The following MYT1L variants were observed in gnomAD, a reference collection of about 807,000 sequenced individuals.
The protein encoded by MYT1L is myelin transcription factor 1-like protein.
MYT1L carries 12 observed loss-of-function variants against 126.7 expected under a neutral mutation model. The ratio of observed to expected loss-of-function variants is 0.09; its 90% CI spans 0.06 to 0.15. MYT1L has a LOEUF of 0.15. Ranked by LOEUF, MYT1L falls within the 10% of genes least tolerant of loss-of-function variation. The probability of loss-of-function intolerance (pLI) is 1.00; values close to 1 mark genes in which losing one functional copy is unlikely to be tolerated. For missense variants in MYT1L, 979 were observed against 1,585.2 expected (o/e 0.62, Z 6.49); for synonymous variants, 541 against 604.2 (o/e 0.90, Z 1.53).
At chr2:2,321,521 T>C (rs1176715319) in intron 1 of MYT1L, among the ~76,000 whole-genome samples, 2 of 152,168 alleles carry the variant, frequency 1.3e-5, no homozygotes. Flanking sequence ...AATGGTTTAT[T>C]GCTTTTAGGG....
At chr2:2,075,180 T>C (rs1021949104) in intron 3 of MYT1L, among the ~76,000 whole-genome samples, 4 of 152,200 alleles carry the variant, frequency 2.6e-5, no homozygotes, top group East Asian at 1.9e-4. Flanking sequence ...TCACAGGCCA[T>C]AGACTGTTTA....
At chr2:2,295,537 T>TAGAG (rs1168226393) in intron 1 of MYT1L, among the ~76,000 whole-genome samples, 2 of 32,510 alleles carry the variant, frequency 6.2e-5, no homozygotes, top group African/African-American at 2.0e-4. Context: ...CAGAGAAAGA[T>TAGAG]AGAGAGAGAG....
chr2:2,325,532 A>T (rs2149724842), intron 1 of MYT1L: 1 of 152,260 alleles, frequency 6.6e-6, no homozygotes, highest in East Asian at 1.9e-4. Context: ...GTTCATTAGC[A>T]TTTTTTTCTG....
At chr2:2,257,267 A>G (rs1350656771) in intron 2 of MYT1L, among the ~76,000 whole-genome samples, 1 of 152,174 alleles carries the variant, frequency 6.6e-6, no homozygotes, top group African/African-American at 2.4e-5. Context: ...CAGCCCCTGC[A>G]ATTTGCTATT....
Position 1,792,473 on chromosome 2 carries a change from C to T in MYT1L, c.3277-9G>A, listed in dbSNP as rs761926891. 6.8e-6 allele frequency: 11 copies of T among 1,611,646 alleles called. No individual in the cohort carries two copies. Among genetic ancestry groups the T allele is most frequent in the Non-Finnish European group, 8.5e-6 (10 of 1,178,300 alleles). ...CTCTCCATCGTGGTAATCTGAAACG[C>T]ACAAGTGTGCGTGACATGTAACACC... is the stretch of plus-strand genomic sequence containing the variant. On this transcript the variant is annotated splice_polypyrimidine_tract_variant and intron_variant, in intron 23 of 24. Transcript: ENST00000647738.
intron 21 of MYT1L, among the ~76,000 whole-genome samples, chr2:1,818,689 T>C (rs1393179470): frequency 1.3e-5 from 2 of 152,070 alleles, no homozygotes; most frequent in Non-Finnish European, 2.9e-5. Flanking sequence ...CCCCAGCATA[T>C]GTGAGGAAGG....
intron 8 of MYT1L, among the ~76,000 whole-genome samples, chr2:1,953,559 C>G (rs986380319): frequency 6.6e-6 from 1 of 152,210 alleles, no homozygotes; most frequent in Non-Finnish European, 1.5e-5. Context: ...AAGTGTCAAC[C>G]ACCTCGCGTT....
At chr2:2,120,758 C>T (rs2080875014) in intron 3 of MYT1L, among the ~76,000 whole-genome samples, 1 of 152,176 alleles carries the variant, frequency 6.6e-6, no homozygotes. Context: ...ATGCTCCCCA[C>T]TCCGCACTGT....
intron 4 of MYT1L, among the ~76,000 whole-genome samples, chr2:2,009,709 G>T (rs2063639143): frequency 6.6e-6 from 1 of 151,996 alleles, no homozygotes; most frequent in Admixed American, 6.6e-5. Flanking sequence ...TTCATTTCTT[G>T]TCTGACTGCT....
intron 2 of MYT1L, among the ~76,000 whole-genome samples, chr2:2,241,444 G>A (rs1346085270): frequency 6.6e-6 from 1 of 152,150 alleles, no homozygotes. Flanking sequence ...GCACTGCTCT[G>A]AGCTGCCTGT....
intron 2 of MYT1L, among the ~76,000 whole-genome samples, chr2:2,236,015 C>A (rs1444507964): frequency 1.3e-5 from 2 of 152,132 alleles, no homozygotes; most frequent in Non-Finnish European, 2.9e-5. Context: ...CCCAAAGGAG[C>A]CCAAGAATGA....
At chr2:1,965,865 T>G (rs961726414) in intron 8 of MYT1L, among the ~76,000 whole-genome samples, 8 of 152,224 alleles carry the variant, frequency 5.3e-5, no homozygotes, top group African/African-American at 1.9e-4. Context: ...AGGGAAAGGC[T>G]TTGCCTGGCA....
At chr2:1,927,280 T>A (rs1023615683) in intron 9 of MYT1L, among the ~76,000 whole-genome samples, 2 of 152,248 alleles carry the variant, frequency 1.3e-5, no homozygotes, top group Non-Finnish European at 2.9e-5. Flanking sequence ...ACCTGACTTC[T>A]GTTGCATTAC....
rs896117924 is a variant in MYT1L at position 1,966,937 on chromosome 2, AT to A, written c.152+12227del. On this transcript the variant is annotated intron_variant, in intron 8 of 24. Transcript: ENST00000647738. ...CATTGTGACTTTGAAACAATAGATT[AT>A]TTTTTTTCTCACTTTTTAGCTAGAT... Among the ~76,000 whole-genome samples, 7 of 152,172 alleles carry A rather than the reference AT, an allele frequency of 4.6e-5. No individual in the cohort carries two copies. The South Asian group carries it at 8.3e-4, about 18-fold the overall frequency.
intron 1 of MYT1L, chr2:2,306,128 G>C (rs557262700): frequency 6.6e-6 from 1 of 152,260 alleles, no homozygotes; most frequent in Admixed American, 6.5e-5. Context: ...TTTGTGCCCA[G>C]ACTCTTTTCC....
chr2:2,069,434 G>A (rs1206873645), intron 3 of MYT1L, among the ~76,000 whole-genome samples: 1 of 152,124 alleles, frequency 6.6e-6, no homozygotes, highest in Non-Finnish European at 1.5e-5. Context: ...AGTATTCATG[G>A]TGTATATGTG....
chr2:1,801,831 G>T lies in MYT1L; in HGVS notation c.3173-32C>A. 2 of 1,339,774 alleles carry T rather than the reference G, an allele frequency of 1.5e-6. No homozygotes were observed. Among genetic ancestry groups the T allele is most frequent in the Non-Finnish European group, 2.1e-6 (2 of 955,036 alleles). 83.0% of individuals were successfully genotyped at this position (1,339,774 alleles called of 1,614,324 possible). ...TAATGAATATTAGTATGTTAAAACTGTTATATACAAAAATATTAGAGTTAG... is the reference window on the plus strand; with the variant it reads ...TAATGAATATTAGTATGTTAAAACTTTTATATACAAAAATATTAGAGTTAG... On this transcript the variant is annotated intron_variant, in intron 22 of 24. Transcript: ENST00000647738. The surrounding 1 kb of genome is among the most constrained non-coding windows in gnomAD (Gnocchi z 4.2).
At chr2:2,275,041 TA>T (rs1462100090) in intron 2 of MYT1L, among the ~76,000 whole-genome samples, 4 of 152,008 alleles carry the variant, frequency 2.6e-5, no homozygotes, top group African/African-American at 9.6e-5. Context: ...GCAAGTGCGG[TA>T]GAGTCAGCGG....
chr2:2,324,280 C>G (rs1184392120), intron 1 of MYT1L: 1 of 152,212 alleles, frequency 6.6e-6, no homozygotes, highest in Non-Finnish European at 1.5e-5. Flanking sequence ...CAGCGTCTGA[C>G]AAGCAGTTGT....
Sources: gnomAD v4.1 joint callset for allele counts (sites outside exome capture counted in the v4.1 genomes callset) on GRCh38, gnomAD v4.1.1 for gene constraint, Gnocchi (gnomAD v3.1) non-coding constraint, MANE v1.5 for transcripts, NCBI Gene and HGNC (gene_info 2026-07-23, HGNC 2026-07-21) for gene names.